Variants in RDX observed in about 807,000 individuals in gnomAD.
RDX encodes radixin.
A neutral mutation model predicts 83.7 loss-of-function variants in RDX; 32 were observed. The observed-to-expected ratio is 0.38, with a 90% CI of 0.29 to 0.51. The LOEUF is 0.51. Ranked by LOEUF, RDX falls within the 20% of genes least tolerant of loss-of-function variation. RDX has a pLI of 0.87. For synonymous variants in RDX, 229 were observed against 222.7 expected (o/e 1.03, Z -0.25); for missense variants, 600 against 689.9 (o/e 0.87, Z 1.46).
At chr11:110,240,357 G>A (rs1865035850) in intron 10 of RDX, among the ~76,000 whole-genome samples, 1 of 152,178 alleles carries the variant, frequency 6.6e-6, no homozygotes, top group African/African-American at 2.4e-5. Context: ...ATAAACTGGT[G>A]GTTATCAAAG....
At chr11:110,207,870 A>C (rs1169674585) in intron 14 of RDX, among the ~76,000 whole-genome samples, 1 of 152,184 alleles carries the variant, frequency 6.6e-6, no homozygotes, top group Non-Finnish European at 1.5e-5. Context: ...AATTTGATAG[A>C]ATCTACTAGT....
At chr11:110,179,909 T>TTC (rs1565278080) in intron 15 of RDX, 3 of 423,452 alleles carry the variant, frequency 7.1e-6, no homozygotes, top group Non-Finnish European at 1.4e-5. Context: ...TTTTCTTTTT[T>TTC]TTTTTTTTTT....
Position 110,213,212 on chromosome 11 carries a change from C to T in RDX, c.1749-13534G>A, listed in dbSNP as rs1591516112. 4.0e-5 allele frequency among the ~76,000 whole-genome samples: 6 copies of T among 150,796 alleles called. No homozygotes were observed. The South Asian group carries it at 1.3e-3, about 32-fold the overall frequency. ...CACCAACAACAGACAAACAGAGAGC[C>T]AAATCATGAGTGAACTCCCATTCAC... On this transcript the variant is annotated intron_variant, in intron 14 of 15. Coordinates refer to the RDX transcript ENST00000528498.
intron 14 of RDX, among the ~76,000 whole-genome samples, chr11:110,209,503 T>A (rs975906641): frequency 9.2e-5 from 14 of 152,236 alleles, no homozygotes; most frequent in Non-Finnish European, 1.9e-4. Flanking sequence ...CAAGGAGGAC[T>A]GCCTGCCTCT....
chr11:110,240,623 T>A (rs1040849920), intron 10 of RDX, among the ~76,000 whole-genome samples: 2 of 150,878 alleles, frequency 1.3e-5, no homozygotes, highest in African/African-American at 4.9e-5. Context: ...CGGGCGCCTG[T>A]AGTCCCAGCT....
chr11:110,226,634 T>C (rs538550652), downstream of RDX, among the ~76,000 whole-genome samples: 101 of 152,340 alleles, frequency 6.6e-4, no homozygotes, highest in Non-Finnish European at 1.2e-3. Flanking sequence ...ATCAATTTTA[T>C]GTATATTTTA....
At chr11:110,207,382 C>T (rs1042043103) in intron 14 of RDX, among the ~76,000 whole-genome samples, 4 of 152,156 alleles carry the variant, frequency 2.6e-5, no homozygotes, top group African/African-American at 9.7e-5. Flanking sequence ...CTGATGCACG[C>T]TAGTGTGAGA....
At chr11:110,237,778 C>T (rs777726842) in intron 10 of RDX, 126 bp from the exon 11 acceptor site, 1 of 1,030,156 alleles carries the variant, frequency 9.7e-7, no homozygotes, top group Non-Finnish European at 1.5e-6. Flanking sequence ...CATGTAAATA[C>T]ATATATACCT....
intron 14 of RDX, among the ~76,000 whole-genome samples, chr11:110,219,718 G>T (rs1325175899): frequency 1.3e-5 from 2 of 152,194 alleles, no homozygotes; most frequent in African/African-American, 4.8e-5. Context: ...CTGAGAAGGG[G>T]AAGACTGAGG....
At position 110,249,020 on chromosome 11, in the gene RDX, T is replaced by A. The variant is rs189664231; in HGVS notation, c.960-1187A>T. ...GCACCTGCCATGGGCCTGATGAGAG[T>A]GTTTCTTTTAAATACTGCCAAATTC... On this transcript the variant is annotated intron_variant, in intron 9 of 13. Transcript: ENST00000645495. Among the ~76,000 whole-genome samples the A allele has an allele frequency of 9.1e-4, 139 of 152,130 alleles. 1 individual carries two copies. The highest frequency in any genetic ancestry group is 3.1e-3 in the African/African-American group (128 of 41,500).
At chr11:110,275,600 G>A (rs764022245) in intron 2 of RDX, among the ~76,000 whole-genome samples, 17 of 151,992 alleles carry the variant, frequency 1.1e-4, no homozygotes, top group Non-Finnish European at 1.9e-4. Flanking sequence ...TTACTTTAAC[G>A]TAGGAAGTCT....
chr11:110,254,210 T>A (rs1240958627), intron 8 of RDX, 101 bp from the exon 9 acceptor site: 1 of 911,778 alleles, frequency 1.1e-6, no homozygotes, highest in Non-Finnish European at 1.7e-6. Context: ...TTTAATGTCA[T>A]ATTACATATA....
chr11:110,278,224 GTTTTC>G (rs1860595560), intron 2 of RDX, among the ~76,000 whole-genome samples: 1 of 125,482 alleles, frequency 8.0e-6, no homozygotes, highest in Non-Finnish European at 1.7e-5. Context: ...AGGAGTGTAA[GTTTTC>G]TTTTTTTTTT....
At chr11:110,195,442 C>T (rs2134230473) in intron 15 of RDX, 1 of 152,398 alleles carries the variant, frequency 6.6e-6, no homozygotes, top group African/African-American at 2.4e-5. Context: ...TTTCTCCAAA[C>T]ACTGGCCAGG....
At chr11:110,260,129 G>A (rs942607227) in intron 5 of RDX, among the ~76,000 whole-genome samples, 1 of 151,590 alleles carries the variant, frequency 6.6e-6, no homozygotes, top group Non-Finnish European at 1.5e-5. Flanking sequence ...TAGGATTACA[G>A]GCATGCACCA....
chr11:110,227,829 G>A (rs932213039), downstream of RDX, among the ~76,000 whole-genome samples: 3 of 152,058 alleles, frequency 2.0e-5, no homozygotes. Context: ...TGAATGCAAA[G>A]GATGTGTCAT....
chr11:110,199,691 A>T (rs1183706193), intron 14 of RDX: 3 of 703,012 alleles, frequency 4.3e-6, no homozygotes, highest in Non-Finnish European at 7.8e-6. Flanking sequence ...TTCAAAAGAG[A>T]CATTAAGAGA....
At chr11:110,290,480 C>CT (rs533674267) in intron 1 of RDX, among the ~76,000 whole-genome samples, 142 of 151,324 alleles carry the variant, frequency 9.4e-4, no homozygotes, top group African/African-American at 3.3e-3. Flanking sequence ...CCACCGCACT[C>CT]TGGCCTGGGC....
rs1591131619 is a variant in RDX, at chr11:110,231,914, T to A, written c.1707A>T (p.Arg569=). 7 of 1,613,378 alleles carry A rather than the reference T, an allele frequency of 4.3e-6. No homozygotes were observed. The Admixed American group carries it at 8.3e-5, about 19-fold the overall frequency. Residue 569 remains arginine (R), a synonymous_variant, in exon 14 of 14, where the codon CGA becomes CGT. Transcript: ENST00000645495. ...RDKYKTLRQI[R]QGNTKQRIDE... ...CGATACGCTGCTTTGTATTGCCTTGTCGAATCTGTCGCAGAGTCTTGTACT... is the reference window on the plus strand; with the variant it reads ...CGATACGCTGCTTTGTATTGCCTTGACGAATCTGTCGCAGAGTCTTGTACT...
Sources: gnomAD v4.1 joint callset for allele counts (sites outside exome capture counted in the v4.1 genomes callset) on GRCh38, gnomAD v4.1.1 for gene constraint, MANE v1.5 for transcripts, NCBI Gene and HGNC (gene_info 2026-07-23, HGNC 2026-07-21) for gene names.